The following PIGL variants were observed in gnomAD, a reference collection of about 807,000 sequenced individuals.
PIGL encodes the protein N-acetylglucosaminyl-phosphatidylinositol de-N-acetylase.
A neutral mutation model predicts 31.1 loss-of-function variants in PIGL; 22 were observed. The ratio of observed to expected loss-of-function variants is 0.71; its 90% CI spans 0.51 to 1.01. The LOEUF (loss-of-function observed/expected upper bound fraction) is 1.01, where lower values mean the gene tolerates loss of function less well. Among genes scored for constraint, PIGL ranks in the 50% least tolerant of loss-of-function variants. The probability of loss-of-function intolerance (pLI) is 0.00; values close to 1 mark genes in which losing one functional copy is unlikely to be tolerated. For missense variants in PIGL, 302 were observed against 315.9 expected (o/e 0.96, Z 0.33); for synonymous variants, 131 against 117.4 (o/e 1.12, Z -0.75).
chr17:16,322,116 CAG>C (rs1400532742), intron 6 of PIGL, among the ~76,000 whole-genome samples: 1 of 150,022 alleles, frequency 6.7e-6, no homozygotes, highest in East Asian at 2.0e-4. Flanking sequence ...TTTTTTGAGA[CAG>C]AGTCTTGCTC....
chr17:16,319,223 C>CAAAA (rs11379081), intron 6 of PIGL, among the ~76,000 whole-genome samples: 12 of 82,962 alleles, frequency 1.4e-4, no homozygotes, highest in African/African-American at 4.9e-4. Flanking sequence ...AGACCCTAGC[C>CAAAA]AAAAAAAAAA....
At chr17:16,295,272 C>T (rs1420251375) in intron 2 of PIGL, among the ~76,000 whole-genome samples, 1 of 151,644 alleles carries the variant, frequency 6.6e-6, no homozygotes, top group East Asian at 1.9e-4. Flanking sequence ...GGCATGGTGG[C>T]GCACGCCTGT....
At chr17:16,291,462 G>C (rs980690812) in intron 2 of PIGL, among the ~76,000 whole-genome samples, 1 of 146,970 alleles carries the variant, frequency 6.8e-6, no homozygotes, top group Non-Finnish European at 1.5e-5. Context: ...AGCTGAGATT[G>C]TGCCACTGCA....
intron 5 of PIGL, 35 bp from the exon 6 acceptor site, chr17:16,317,740 G>C (rs749098472): frequency 1.2e-5 from 20 of 1,612,582 alleles, no homozygotes; most frequent in Middle Eastern, 1.9e-4. Flanking sequence ...GAGGCCTCAA[G>C]GCTTATCACT....
chr17:16,238,587 C>G (rs573439445), intron 2 of PIGL, among the ~76,000 whole-genome samples: 1 of 150,172 alleles, frequency 6.7e-6, no homozygotes, highest in Non-Finnish European at 1.5e-5. Context: ...AGGCGCCCAC[C>G]ACCATGCCCA....
chr17:16,244,174 C>T (rs1320790649), intron 2 of PIGL, among the ~76,000 whole-genome samples: 1 of 152,166 alleles, frequency 6.6e-6, no homozygotes, highest in Non-Finnish European at 1.5e-5. Flanking sequence ...CTGCATGACT[C>T]CTAAACCATA....
chr17:16,258,091 G>A (rs1178853335), intron 2 of PIGL, among the ~76,000 whole-genome samples: 1 of 132,458 alleles, frequency 7.5e-6, no homozygotes. Flanking sequence ...GAGAGAGAGA[G>A]AGAGAGAGAG....
intron 2 of PIGL, among the ~76,000 whole-genome samples, chr17:16,261,228 C>T (rs181359336): frequency 1.3e-5 from 2 of 152,174 alleles, no homozygotes; most frequent in East Asian, 1.9e-4. Context: ...TTGGAGAGCC[C>T]GGCCCAGGCT....
chr17:16,272,459 T>C (rs1408840333), intron 2 of PIGL, among the ~76,000 whole-genome samples: 2 of 152,210 alleles, frequency 1.3e-5, no homozygotes, highest in Non-Finnish European at 2.9e-5. Context: ...TCTCTCATCA[T>C]TAAAAACAAA....
At chr17:16,232,217 G>A (rs2092682165) in intron 1 of PIGL, among the ~76,000 whole-genome samples, 1 of 152,108 alleles carries the variant, frequency 6.6e-6, no homozygotes, top group South Asian at 2.1e-4. Context: ...GGCGGAGGTT[G>A]CAGTGAACTG....
At chr17:16,250,689 A>G (rs183180032) in intron 2 of PIGL, among the ~76,000 whole-genome samples, 8 of 152,332 alleles carry the variant, frequency 5.3e-5, no homozygotes, top group Non-Finnish European at 1.0e-4. Context: ...GTAAATATAA[A>G]ACTACTACTG....
At chr17:16,275,487 G>A (rs560824073) in intron 2 of PIGL, among the ~76,000 whole-genome samples, 5 of 152,156 alleles carry the variant, frequency 3.3e-5, no homozygotes, top group Non-Finnish European at 7.4e-5. Flanking sequence ...CTAACCTCCT[G>A]GGAATGCAAC....
chr17:16,258,103 A>AGAGAGAGAGAGAGAGAGAGAGAG (rs2092803342), intron 2 of PIGL, among the ~76,000 whole-genome samples: 1 of 65,698 alleles, frequency 1.5e-5, no homozygotes, highest in African/African-American at 7.6e-5. Context: ...GAGAGAGAGA[A>AGAGAGAGAGAGAGAGAGAGAGAG]AGAGAGAGAG....
In PIGL at chr17:16,280,696, G is replaced by GT. The variant is rs199683979; in HGVS notation, c.336-19184dup. Among the ~76,000 whole-genome samples the GT allele has an allele frequency of 5.6e-3, 849 of 151,724 alleles. 13 individuals carry two copies. The highest frequency in any genetic ancestry group is 0.019 in the African/African-American group (781 of 41,320). On this transcript the variant is annotated intron_variant, in intron 2 of 6. Transcript: ENST00000225609. ...CATTAGGCATTAGGGTTCACTCAGT[G>GT]TTTTTTTTGTTTTGTTTTGTTTTGT...
chr17:16,316,909 C>T (rs892138214), intron 5 of PIGL, 197 bp downstream of exon 5: 19 of 1,370,650 alleles, frequency 1.4e-5, no homozygotes, highest in Non-Finnish European at 1.9e-6. Context: ...CCTGCAGGGC[C>T]ACCTCTGGAT....
At chr17:16,247,894 T>G (rs1470531435) in intron 2 of PIGL, among the ~76,000 whole-genome samples, 1 of 152,152 alleles carries the variant, frequency 6.6e-6, no homozygotes, top group East Asian at 1.9e-4. Flanking sequence ...TCTCTCTTTT[T>G]TTTTTCTTTT....
rs534267220 is a variant in PIGL, at chr17:16,326,407, A to T, written c.*509A>T. 6.4e-6 allele frequency: 1 copy of T among 157,418 alleles called. No homozygotes were observed. The highest frequency in any genetic ancestry group is 1.4e-5 in the Non-Finnish European group (1 of 71,482). 9.8% of individuals were successfully genotyped at this position (157,418 alleles called of 1,614,324 possible). On this transcript the variant is annotated 3_prime_UTR_variant, in exon 7 of 7. Transcript: ENST00000225609. The stretch of plus-strand genomic sequence containing the variant: ...GTCTAGGAAAAACTTGCTCTATTTA[A>T]CAGGACAGCTCTGATTGAAGCATCC...
At chr17:16,306,085 A>T (rs2093025016) in intron 3 of PIGL, among the ~76,000 whole-genome samples, 2 of 152,028 alleles carry the variant, frequency 1.3e-5, no homozygotes, top group Admixed American at 6.6e-5. Context: ...AGTAGCTGGG[A>T]CTACAGGCAC....
chr17:16,322,326 C>A (rs552914289), intron 6 of PIGL, among the ~76,000 whole-genome samples: 35 of 152,150 alleles, frequency 2.3e-4, no homozygotes, highest in African/African-American at 8.4e-4. Context: ...AACTTCTGGC[C>A]TCAAGTGATC....
Sources: gnomAD v4.1 joint callset for allele counts (sites outside exome capture counted in the v4.1 genomes callset) on GRCh38, gnomAD v4.1.1 for gene constraint, MANE v1.5 for transcripts, NCBI Gene and HGNC (gene_info 2026-07-23, HGNC 2026-07-21) for gene names.